Variants in KALRN observed in about 807,000 individuals in gnomAD.
KALRN encodes the protein kalirin RhoGEF kinase, also known as kalirin.
Under a neutral mutation model 353.7 loss-of-function variants are expected in KALRN, and 70 were observed. The ratio of observed to expected loss-of-function variants is 0.20; its 90% CI spans 0.16 to 0.24. KALRN has a LOEUF of 0.24. KALRN is among the 10% of genes least tolerant of loss of function. KALRN has a pLI of 1.00. For synonymous variants in KALRN, 1,391 were observed against 1,434.8 expected (o/e 0.97, Z 0.69); for missense variants, 2,791 against 3,756.7 (o/e 0.74, Z 6.72).
chr3:124,034,781 C>CA (rs993329317), intron 1 of KALRN, among the ~76,000 whole-genome samples: 1 of 152,110 alleles, frequency 6.6e-6, no homozygotes, highest in Non-Finnish European at 1.5e-5. Context: ...ATGTCTGAAA[C>CA]AGTTTTGTCT....
Position 124,264,695 on chromosome 3 carries a change from G to A in KALRN, c.456+5G>A. 6.2e-7 allele frequency: 1 copy of A among 1,613,116 alleles called. No homozygotes were observed. Among genetic ancestry groups the A allele is most frequent in the South Asian group, 1.1e-5 (1 of 91,030 alleles). On this transcript the variant is annotated splice_donor_5th_base_variant and intron_variant, in intron 4 of 59. Transcript: ENST00000682506. ...AGCTCCAAATTCATCTTTGAGGTGA[G>A]CCAGATTTCTCTCTCTTAGCATCTT...
intron 3 of KALRN, among the ~76,000 whole-genome samples, chr3:124,264,125 G>A (rs13078438): frequency 0.19 from 29,170 of 150,464 alleles, 2,899 homozygotes; most frequent in South Asian, 0.3. Flanking sequence ...TCTCTAATCC[G>A]AAAATCCAAA....
chr3:124,392,163 C>T (rs1472926985), intron 11 of KALRN, among the ~76,000 whole-genome samples: 1 of 152,160 alleles, frequency 6.6e-6, no homozygotes, highest in Non-Finnish European at 1.5e-5. Context: ...AATCCTCCCG[C>T]CTCAGCCTCC....
At position 124,669,882 on chromosome 3, in the gene KALRN, T is replaced by A. The variant is rs142381155; in HGVS notation, c.6704-1778T>A. The stretch of plus-strand genomic sequence containing the variant: ...CTATGTAAATGATTGTTATACTATA[T>A]TGTTTATGGAATGACAAGAAAAAAA... On this transcript the variant is annotated intron_variant, in intron 47 of 59. Transcript: ENST00000682506. Among the ~76,000 whole-genome samples, 1,257 of 152,248 alleles carry A rather than the reference T, an allele frequency of 8.3e-3. 9 individuals carry two copies. The highest frequency in any genetic ancestry group is 0.028 in the African/African-American group (1,161 of 41,544).
intron 26 of KALRN, 46 bp from the exon 27 acceptor site, chr3:124,477,199 G>A: frequency 7.2e-7 from 1 of 1,397,378 alleles, no homozygotes; most frequent in Non-Finnish European, 1.0e-6. Flanking sequence ...GGACAGAAGG[G>A]AACAACTAAT....
chr3:124,445,513 A>G (rs766468640), intron 19 of KALRN, among the ~76,000 whole-genome samples: 1 of 152,194 alleles, frequency 6.6e-6, no homozygotes, highest in Non-Finnish European at 1.5e-5. Context: ...ACACTCATTT[A>G]ACACCACTTT....
intron 1 of KALRN, among the ~76,000 whole-genome samples, chr3:124,204,107 C>T (rs1308329994): frequency 4.6e-5 from 7 of 152,112 alleles, no homozygotes; most frequent in Admixed American, 4.6e-4. Flanking sequence ...ATGGGAATCC[C>T]CTGTAGATCT....
At chr3:124,248,134 C>A (rs2070594360) in intron 3 of KALRN, among the ~76,000 whole-genome samples, 1 of 152,174 alleles carries the variant, frequency 6.6e-6, no homozygotes, top group East Asian at 1.9e-4. Flanking sequence ...AGGTGGTGAA[C>A]CTCTTGCAGG....
Position 124,351,616 on chromosome 3 carries a change from C to G in KALRN, c.1770+4351C>G, listed in dbSNP as rs1024982340. Among the ~76,000 whole-genome samples the G allele has an allele frequency of 7.2e-5, 11 of 152,204 alleles. 1 individual carries two copies. The highest frequency in any genetic ancestry group is 2.6e-4 in the African/African-American group (11 of 41,526). On this transcript the variant is annotated intron_variant, in intron 10 of 59. Transcript: ENST00000682506. Reference sequence around the variant, plus strand: ...GGGGAGGGGTTAGGCAGTGTAAAGCCCCTGAACAAATACATTTCCACCCTA... The same window carrying G: ...GGGGAGGGGTTAGGCAGTGTAAAGCGCCTGAACAAATACATTTCCACCCTA...
chr3:124,254,183 A>G (rs183127349), intron 3 of KALRN, among the ~76,000 whole-genome samples: 19 of 152,230 alleles, frequency 1.2e-4, no homozygotes, highest in Admixed American at 5.2e-4. Context: ...TTGCTTCTTC[A>G]AGGGAGGATT....
chr3:124,233,355 T>A (rs78027106), intron 2 of KALRN, among the ~76,000 whole-genome samples: 281 of 152,190 alleles, frequency 1.8e-3, no homozygotes, highest in African/African-American at 6.4e-3. Context: ...TGGAAGGCAA[T>A]GGAGAGATGG....
chr3:124,404,586 G>T (rs2091288497), intron 13 of KALRN, among the ~76,000 whole-genome samples: 1 of 129,956 alleles, frequency 7.7e-6, no homozygotes, highest in Non-Finnish European at 1.6e-5. Flanking sequence ...TGGGCTTCCA[G>T]TACACTGACT....
chr3:124,693,052 T>C (rs192455535), intron 51 of KALRN, among the ~76,000 whole-genome samples: 91 of 152,356 alleles, frequency 6.0e-4, no homozygotes, highest in African/African-American at 2.0e-3. Flanking sequence ...CCAAGAGCCC[T>C]ATCAGTTCCT....
rs572567635 is a variant in KALRN at position 124,398,238 on chromosome 3, G to T, written c.2172-459G>T. On this transcript the variant is annotated intron_variant, in intron 12 of 59. Transcript: ENST00000682506. ...ATGACATCATCTGTTTTAACAAAGA[G>T]TCTGTGAAGTAAAACTAGGAAGATT... 7.2e-5 allele frequency among the ~76,000 whole-genome samples: 11 copies of T among 152,300 alleles called. No individual in the cohort carries two copies. In the East Asian group the frequency reaches 2.1e-3, roughly 29 times the overall value.
At chr3:124,134,808 A>G (rs888925182) in intron 1 of KALRN, among the ~76,000 whole-genome samples, 2 of 152,244 alleles carry the variant, frequency 1.3e-5, no homozygotes, top group African/African-American at 4.8e-5. Flanking sequence ...GGGAAATGCA[A>G]ATCAAAACCA....
chr3:124,318,838 A>G (rs747947573), intron 6 of KALRN, among the ~76,000 whole-genome samples: 26 of 152,186 alleles, frequency 1.7e-4, no homozygotes, highest in Non-Finnish European at 3.1e-4. Flanking sequence ...CTCTAGTCTC[A>G]TTCTTCCTCT....
intron 51 of KALRN, among the ~76,000 whole-genome samples, chr3:124,687,699 C>T (rs550268540): frequency 1.5e-5 from 2 of 134,304 alleles, no homozygotes; most frequent in South Asian, 4.6e-4. Flanking sequence ...ATGTGTGCTA[C>T]TTACAAAGCA....
At chr3:124,082,807 C>T (rs138817577) in intron 1 of KALRN, among the ~76,000 whole-genome samples, 6 of 152,246 alleles carry the variant, frequency 3.9e-5, no homozygotes, top group African/African-American at 9.6e-5. Flanking sequence ...AAATAAACCA[C>T]CCTTATAAAG....
chr3:124,229,561 G>A (rs1199872416), intron 2 of KALRN, among the ~76,000 whole-genome samples: 2 of 152,258 alleles, frequency 1.3e-5, no homozygotes, highest in African/African-American at 2.4e-5. Context: ...AGAGGTTCAT[G>A]CCACAGGCAC....
Sources: gnomAD v4.1 joint callset for allele counts (sites outside exome capture counted in the v4.1 genomes callset) on GRCh38, gnomAD v4.1.1 for gene constraint, MANE v1.5 for transcripts, NCBI Gene and HGNC (gene_info 2026-07-23, HGNC 2026-07-21) for gene names.